Variants in CD59 observed in about 807,000 individuals in gnomAD.
The protein encoded by CD59 is CD59 molecule (CD59 blood group), also known as CD59 glycoprotein.
CD59 carries 3 observed loss-of-function variants against 7.0 expected under a neutral mutation model. The observed-to-expected ratio is 0.43, with a 90% CI of 0.19 to 1.10. The LOEUF (loss-of-function observed/expected upper bound fraction) is 1.10, where lower values mean the gene tolerates loss of function less well. Ranked by LOEUF, CD59 falls within the 50% of genes least tolerant of loss-of-function variation. CD59 has a pLI of 0.29. For missense variants in CD59, 143 were observed against 151.0 expected, an observed-to-expected ratio of 0.95 and a Z score of 0.28; for synonymous variants, 60 against 62.0, an observed-to-expected ratio of 0.97 and a Z score of 0.15.
intron 1 of CD59, among the ~76,000 whole-genome samples, chr11:33,724,892 T>C (rs1206141242): frequency 6.6e-6 from 1 of 151,944 alleles, no homozygotes; most frequent in East Asian, 1.9e-4. Flanking sequence ...GGCTGTTCCA[T>C]CAAAATAAGA....
At chr11:33,712,119 A>T (rs1853585911) in intron 3 of CD59, among the ~76,000 whole-genome samples, 1 of 152,230 alleles carries the variant, frequency 6.6e-6, no homozygotes, top group Non-Finnish European at 1.5e-5. Context: ...AATTTGCCAC[A>T]TGGATAATTT....
rs1294522605 is a variant in CD59, at chr11:33,710,315, C to T, written c.198G>A (p.Lys66=). The T allele has an allele frequency of 1.2e-5, 20 of 1,614,036 alleles. No homozygotes were observed. Among genetic ancestry groups the T allele is most frequent in the Non-Finnish European group, 1.6e-5 (19 of 1,180,004 alleles). Reference sequence around the variant, plus strand: ...CGTCGTTGAAATTGCAATGCTCAAACTTCCAACACTTGTTATACACTTGTA... The same window carrying T: ...CGTCGTTGAAATTGCAATGCTCAAATTTCCAACACTTGTTATACACTTGTA... The part of the protein sequence containing the change: ...AGLQVYNKCW[K]FEHCNFNDVT... The change falls in exon 4 of 4, where the codon AAG becomes AAA. Residue 66 remains lysine, a synonymous_variant. Coordinates refer to ENST00000642928, the MANE Select transcript of CD59 (RefSeq NM_000611.6).
chr11:33,721,524 A>G (rs943298063), intron 2 of CD59, among the ~76,000 whole-genome samples: 5 of 152,378 alleles, frequency 3.3e-5, no homozygotes, highest in Non-Finnish European at 2.9e-5. Context: ...TTTATAAAAA[A>G]CAAAAAACCA....
In CD59 at chr11:33,704,363, G is replaced by A. The variant is rs979215063; in HGVS notation, c.*5763C>T. On this transcript the variant is annotated 3_prime_UTR_variant, in exon 4 of 4. Transcript: ENST00000642928. ...AACTAGTAGGTGGTCATTGGAGTGT[G>A]GCTACAGTTATTATACAGTTACACA... 3 of 152,110 alleles carry A rather than the reference G, an allele frequency of 2.0e-5. No individual in the cohort carries two copies. Among genetic ancestry groups the A allele is most frequent in the South Asian group, 2.1e-4 (1 of 4,832 alleles). 9.4% of individuals were successfully genotyped at this position (152,110 alleles called of 1,614,324 possible).
At chr11:33,725,570 T>C (rs942132072) in intron 1 of CD59, among the ~76,000 whole-genome samples, 1 of 152,174 alleles carries the variant, frequency 6.6e-6, no homozygotes, top group Non-Finnish European at 1.5e-5. Flanking sequence ...GGAACAAGTC[T>C]TCCCCCATGA....
chr11:33,731,553 T>TG (rs1482978436), intron 1 of CD59: 1 of 152,122 alleles, frequency 6.6e-6, no homozygotes, highest in African/African-American at 2.4e-5. Flanking sequence ...CTTAAGTAGA[T>TG]GATTAGACTC....
chr11:33,720,709 A>C (rs2133554105), intron 2 of CD59, among the ~76,000 whole-genome samples: 1 of 152,280 alleles, frequency 6.6e-6, no homozygotes, highest in South Asian at 2.1e-4. Flanking sequence ...AGCCTGGGCG[A>C]CAGAGTGAGA....
At chr11:33,716,178 G>A (rs1325314180) in intron 3 of CD59, among the ~76,000 whole-genome samples, 1 of 152,190 alleles carries the variant, frequency 6.6e-6, no homozygotes, top group Non-Finnish European at 1.5e-5. Context: ...CTGCAATCCA[G>A]CTAAACTATA....
At chr11:33,722,260 T>C (rs1487214684) in intron 2 of CD59, 119 bp downstream of exon 2, 21 of 773,634 alleles carry the variant, frequency 2.7e-5, no homozygotes, top group Admixed American at 3.8e-5. Context: ...CCTGTAACAC[T>C]GGAAGGCAAA....
chr11:33,718,901 C>T (rs1314585795), intron 2 of CD59: 1 of 152,208 alleles, frequency 6.6e-6, no homozygotes, highest in Non-Finnish European at 1.5e-5. Context: ...GGAAATCTTC[C>T]TGGTTTGTAT....
At chr11:33,717,222 A>T in intron 3 of CD59, 148 bp downstream of exon 3, 1 of 676,520 alleles carries the variant, frequency 1.5e-6, no homozygotes, top group South Asian at 1.6e-5. Context: ...AAATGTATGA[A>T]GAAAGTGCTT....
At position 33,706,634 on chromosome 11, in the gene CD59, A is replaced by G. The variant is rs2133511857; in HGVS notation, c.*3492T>C. 1 of 152,272 alleles carries G rather than the reference A, an allele frequency of 6.6e-6. No individual in the cohort carries two copies. Among genetic ancestry groups the G allele is most frequent in the Non-Finnish European group, 1.5e-5 (1 of 68,020 alleles). The allele number at this position is 152,272 out of a possible 1,614,324, so 9.4% of individuals were successfully genotyped here. On this transcript the variant is annotated 3_prime_UTR_variant, in exon 4 of 4. Coordinates refer to ENST00000642928, the MANE Select transcript of CD59 (RefSeq NM_000611.6). ...TTGAACCCAGGTTCCTAACTACAAA[A>G]TCCACGGGTTTAACTGCTGCTCTCC...
rs191380109 is a variant in CD59 at position 33,715,567 on chromosome 11, T to C, written c.169+1803A>G. ...GTGAGCCAAGATTGCACCACTGCCC[T>C]CTAGCCTAGGTGACAGAGCAAGACC... is the stretch of plus-strand genomic sequence containing the variant. On this transcript the variant is annotated intron_variant, in intron 3 of 3. Transcript: ENST00000642928. Among the ~76,000 whole-genome samples, 630 of 152,182 alleles carry C rather than the reference T, an allele frequency of 4.1e-3. 5 individuals are homozygous for C. The highest frequency in any genetic ancestry group is 0.014 in the African/African-American group (580 of 41,528).
Position 33,708,939 on chromosome 11 carries a change from G to A in CD59, c.*1187C>T, listed in dbSNP as rs1358859193. ...GAAATTCCTCCATCTGCAAAAGTCA[G>A]CCTATGCCATTAAATACAGCCAAGA... On this transcript the variant is annotated 3_prime_UTR_variant, in exon 4 of 4. Coordinates refer to ENST00000642928, the MANE Select transcript of CD59 (RefSeq NM_000611.6). 2 of 152,110 alleles carry A rather than the reference G, an allele frequency of 1.3e-5. No individual in the cohort carries two copies. Among genetic ancestry groups the A allele is most frequent in the African/African-American group, 4.8e-5 (2 of 41,406 alleles). 9.4% of individuals were successfully genotyped at this position (152,110 alleles called of 1,614,324 possible).
At position 33,710,215 on chromosome 11, in the gene CD59, G is replaced by C. The variant is rs764645328; in HGVS notation, c.298C>G (p.Leu100Val). Residue 100 changes from leucine to valine, a missense_variant, in exon 4 of 4, where the codon CTT becomes GTT. Transcript: ENST00000642928. ...KKDLCNFNEQ[L>V]ENGGTSLSEK... ...GATAAGGATGTCCCACCATTTTCAA[G>C]CTGTTCGTTAAAGTTACACAGGTCC... 4 of 1,614,160 alleles carry C rather than the reference G, an allele frequency of 2.5e-6. No homozygotes were observed. In the South Asian group the frequency reaches 3.3e-5, roughly 13 times the overall value.
At chr11:33,715,445 CA>C (rs1853745606) in intron 3 of CD59, among the ~76,000 whole-genome samples, 1 of 152,008 alleles carries the variant, frequency 6.6e-6, no homozygotes, top group South Asian at 2.1e-4. Context: ...ACTAAAAATA[CA>C]AAAATTAGCT....
At chr11:33,714,464 T>C (rs1162204749) in intron 3 of CD59, among the ~76,000 whole-genome samples, 4 of 152,152 alleles carry the variant, frequency 2.6e-5, no homozygotes, top group Admixed American at 1.3e-4. Context: ...AGTGAATGAG[T>C]GGTGGGCGAA....
chr11:33,721,895 G>A (rs1421295060), intron 2 of CD59, among the ~76,000 whole-genome samples: 3 of 152,224 alleles, frequency 2.0e-5, no homozygotes, highest in African/African-American at 4.8e-5. Context: ...GCAAATACAC[G>A]TAAAATGCTT....
At chr11:33,716,496 T>C (rs1853797273) in intron 3 of CD59, among the ~76,000 whole-genome samples, 1 of 152,216 alleles carries the variant, frequency 6.6e-6, no homozygotes, top group East Asian at 1.9e-4. Flanking sequence ...GGTTTTACCT[T>C]GGACACTAAG....
Sources: gnomAD v4.1 joint callset for allele counts (sites outside exome capture counted in the v4.1 genomes callset) on GRCh38, gnomAD v4.1.1 for gene constraint, MANE v1.5 for transcripts, NCBI Gene and HGNC (gene_info 2026-07-23, HGNC 2026-07-21) for gene names.